TCTN3: variants seen among roughly 807,000 people sequenced by gnomAD.
The protein encoded by TCTN3 is tectonic family member 3.
In TCTN3, 57 loss-of-function variants were observed where a neutral mutation model predicts 71.3. The observed-to-expected ratio is 0.80, with a 90% CI of 0.65 to 1.00. TCTN3 has a LOEUF of 1.00. TCTN3 is among the 50% of genes least tolerant of loss of function. The probability of loss-of-function intolerance (pLI) is 0.00; values close to 1 mark genes in which losing one functional copy is unlikely to be tolerated. For synonymous variants in TCTN3, 258 were observed against 267.8 expected, an observed-to-expected ratio of 0.96 and a Z score of 0.36; for missense variants, 696 against 719.9, an observed-to-expected ratio of 0.97 and a Z score of 0.38.
intron 13 of TCTN3, among the ~76,000 whole-genome samples, chr10:95,668,650 C>G (rs2097928035): frequency 6.6e-6 from 1 of 152,028 alleles, no homozygotes; most frequent in South Asian, 2.1e-4. Context: ...ATCTTCCCCC[C>G]CCAAATTATT....
chr10:95,671,735 C>T (rs753764437), intron 13 of TCTN3, among the ~76,000 whole-genome samples: 4 of 152,168 alleles, frequency 2.6e-5, no homozygotes, highest in East Asian at 1.9e-4. Context: ...CAGACTCAGG[C>T]GTGTGCCACC....
Position 95,664,099 on chromosome 10 carries a change from G to A in TCTN3, c.1792C>T (p.Leu598=), listed in dbSNP as rs201503285. 1.2e-5 allele frequency: 19 copies of A among 1,613,962 alleles called. No homozygotes were observed. Among genetic ancestry groups the A allele is most frequent in the Non-Finnish European group, 1.6e-5 (19 of 1,180,010 alleles). ...GTCTCTAGGTTGAGAACTCCAAGTAGTAAGAGGCACAGGATAAGGATGGGA... is the reference window on the plus strand; with the variant it reads ...GTCTCTAGGTTGAGAACTCCAAGTAATAAGAGGCACAGGATAAGGATGGGA... The part of the protein sequence containing the change: ...VSPILILCLL[L]LGVLNLETM Residue 598 remains leucine (L), a synonymous_variant, in exon 14 of 14, where the codon CTA becomes TTA. Transcript: ENST00000371217.
At chr10:95,685,876 T>G (rs557806638) in intron 7 of TCTN3, among the ~76,000 whole-genome samples, 12 of 152,330 alleles carry the variant, frequency 7.9e-5, no homozygotes, top group Admixed American at 2.6e-4. Context: ...GTCAAATAAT[T>G]GTTAGAAATA....
chr10:95,687,359 A>G lies in TCTN3; in HGVS notation c.628-4T>C, dbSNP rs1321301372. The G allele has an allele frequency of 1.3e-6, 2 of 1,597,838 alleles. No homozygotes were observed. The highest frequency in any genetic ancestry group is 1.8e-5 in the Admixed American group (1 of 55,306). On this transcript the variant is annotated splice_region_variant and splice_polypyrimidine_tract_variant and intron_variant, in intron 4 of 13. Coordinates refer to ENST00000371217, the MANE Select transcript of TCTN3 (RefSeq NM_015631.6). Reference sequence around the variant, plus strand: ...AAGTAAGAATGGGGTCCCCAGCCTGAATAAAATATAAAAGAAACTTTGTTC... The same window carrying G: ...AAGTAAGAATGGGGTCCCCAGCCTGGATAAAATATAAAAGAAACTTTGTTC...
intron 5 of TCTN3, 25 bp downstream of exon 5, chr10:95,687,222 G>T: frequency 6.2e-7 from 1 of 1,611,906 alleles, no homozygotes; most frequent in Non-Finnish European, 8.5e-7. Context: ...GAATGAAAAG[G>T]TTGGTACTTT....
intron 13 of TCTN3, among the ~76,000 whole-genome samples, chr10:95,677,623 T>G (rs1371757999): frequency 1.3e-5 from 2 of 151,966 alleles, no homozygotes; most frequent in Non-Finnish European, 2.9e-5. Context: ...CAATGAAAAA[T>G]CATTCAGATA....
At chr10:95,677,483 G>GTTTTTTT (rs1223582407) in intron 13 of TCTN3, among the ~76,000 whole-genome samples, 1 of 61,986 alleles carries the variant, frequency 1.6e-5, no homozygotes, top group African/African-American at 5.4e-5. Context: ...AGTTTTTTTT[G>GTTTTTTT]TTTTTTTTTT....
At chr10:95,680,747 T>G in intron 12 of TCTN3, 138 bp from the exon 13 acceptor site, 1 of 972,750 alleles carries the variant, frequency 1.0e-6, no homozygotes, top group Non-Finnish European at 1.5e-6. Context: ...AACACAAAAG[T>G]TCACAATAAG....
At chr10:95,675,179 G>A (rs906099031) in intron 13 of TCTN3, among the ~76,000 whole-genome samples, 1 of 152,108 alleles carries the variant, frequency 6.6e-6, no homozygotes, top group South Asian at 2.1e-4. Context: ...TGCAACCTCC[G>A]CCTCTCGGGT....
intron 13 of TCTN3, among the ~76,000 whole-genome samples, chr10:95,675,707 C>T (rs1289385438): frequency 6.6e-6 from 1 of 152,226 alleles, no homozygotes. Flanking sequence ...AGTTAGTATT[C>T]TCCAAGACAT....
At position 95,693,772 on chromosome 10, in the gene TCTN3, T is replaced by C; in HGVS notation, c.128A>G (p.Asp43Gly). Residue 43 changes from aspartate (D) to glycine (G), a missense_variant, in exon 1 of 14, where the codon GAT (aspartate) becomes GGT (glycine). Coordinates refer to ENST00000371217, the MANE Select transcript of TCTN3 (RefSeq NM_015631.6). ...PTSLELQRGT[D>G]GGTLQSPSEA... Reference sequence around the variant, plus strand: ...TGAAGGGGACTGGAGGGTTCCGCCATCCGTCCCTCGCTGCAGCTCCAAAGA... The same window carrying C: ...TGAAGGGGACTGGAGGGTTCCGCCACCCGTCCCTCGCTGCAGCTCCAAAGA... 6.4e-7 allele frequency: 1 copy of C among 1,551,560 alleles called. No homozygotes were observed. Among genetic ancestry groups the C allele is most frequent in the Non-Finnish European group, 8.7e-7 (1 of 1,146,980 alleles).
In TCTN3 at chr10:95,664,451, T is replaced by C. The variant is rs2097924123; in HGVS notation, c.1591-151A>G. ...CTCATATTGGTCCTATGTAGTTCTCTTTCAGTGAGACACAAGGAAATGAAT... is the reference window on the plus strand; with the variant it reads ...CTCATATTGGTCCTATGTAGTTCTCCTTCAGTGAGACACAAGGAAATGAAT... On this transcript the variant is annotated intron_variant, in intron 13 of 13. Coordinates refer to ENST00000371217, the MANE Select transcript of TCTN3 (RefSeq NM_015631.6). 2.7e-5 allele frequency: 18 copies of C among 669,546 alleles called. No homozygotes were observed. In the East Asian group the frequency reaches 4.8e-4, roughly 18 times the overall value. The allele number at this position is 669,546 out of a possible 1,614,324, so 41.5% of individuals were successfully genotyped here. A position where few individuals can be genotyped will look rare whatever the true frequency, so the allele number is the denominator to read the frequency against.
chr10:95,673,745 C>CA (rs1487704848), intron 13 of TCTN3, among the ~76,000 whole-genome samples: 1 of 152,082 alleles, frequency 6.6e-6, no homozygotes, highest in African/African-American at 2.4e-5. Flanking sequence ...GAGGCTGAGG[C>CA]AGGAGGATCA....
At position 95,693,347 on chromosome 10, in the gene TCTN3, G is replaced by A; in HGVS notation, c.380+6C>T. The A allele has an allele frequency of 6.4e-7, 1 of 1,551,800 alleles. No homozygotes were observed. Among genetic ancestry groups the A allele is most frequent in the Non-Finnish European group, 8.7e-7 (1 of 1,147,008 alleles). On this transcript the variant is annotated splice_donor_region_variant and intron_variant, in intron 2 of 13. Coordinates refer to ENST00000371217, the MANE Select transcript of TCTN3 (RefSeq NM_015631.6). Reference sequence around the variant, plus strand: ...TTTAGGATTCAGTCTGAGCAACGAAGCTCACCTTACGCTGCCTGGAAGGCA... The same window carrying A: ...TTTAGGATTCAGTCTGAGCAACGAAACTCACCTTACGCTGCCTGGAAGGCA...
At position 95,664,231 on chromosome 10, in the gene TCTN3, GT is replaced by G; in HGVS notation, c.1659del (p.Gln554SerfsTer51). 6.2e-7 allele frequency: 1 copy of G among 1,614,174 alleles called. No homozygotes were observed. Among genetic ancestry groups the G allele is most frequent in the Non-Finnish European group, 8.5e-7 (1 of 1,180,030 alleles). On this transcript the variant is annotated frameshift_variant, in exon 14 of 14. Coordinates refer to ENST00000371217, the MANE Select transcript of TCTN3 (RefSeq NM_015631.6). LOFTEE classifies it high-confidence loss of function. ...ATTTTGGGTTGGCCCCTTGGAGGCT[GT>G]GGCTTCTGGGTAATGTCCACAAAGT... The part of the protein sequence containing the change: ...LVNFVDITQK[P>X]QPPRGQPKMD...
At chr10:95,668,893 G>A (rs2097928255) in intron 13 of TCTN3, among the ~76,000 whole-genome samples, 1 of 152,218 alleles carries the variant, frequency 6.6e-6, no homozygotes. Context: ...AATATGGCAA[G>A]TTCAACTATT....
rs573487452 is a variant in TCTN3, at chr10:95,677,115, C to T, written c.1590+3357G>A. Among the ~76,000 whole-genome samples, 46 of 152,260 alleles carry T rather than the reference C, an allele frequency of 3.0e-4. 1 individual carries two copies. Among genetic ancestry groups the T allele is most frequent in the Non-Finnish European group, 3.8e-4 (26 of 67,998 alleles). On this transcript the variant is annotated intron_variant, in intron 13 of 13. Coordinates refer to ENST00000371217, the MANE Select transcript of TCTN3 (RefSeq NM_015631.6). The stretch of plus-strand genomic sequence containing the variant: ...TTAGAGCCATGATCCTGTGATGCTA[C>T]ATTGTCTTTTAAATTCACTTATTGT...
intron 5 of TCTN3, 40 bp downstream of exon 5, chr10:95,687,206 TA>T: frequency 6.2e-7 from 1 of 1,612,442 alleles, no homozygotes; most frequent in Non-Finnish European, 8.5e-7. Flanking sequence ...AAGCCTGTTT[TA>T]AATTGAATGA....
intron 3 of TCTN3, among the ~76,000 whole-genome samples, chr10:95,690,091 A>G (rs1464193825): frequency 6.6e-6 from 1 of 152,096 alleles, no homozygotes; most frequent in Non-Finnish European, 1.5e-5. Flanking sequence ...GGCTCAAGCA[A>G]TCCTACCTCA....
Sources: gnomAD v4.1 joint callset for allele counts (sites outside exome capture counted in the v4.1 genomes callset) on GRCh38, gnomAD v4.1.1 for gene constraint, MANE v1.5 for transcripts, NCBI Gene and HGNC (gene_info 2026-07-23, HGNC 2026-07-21) for gene names.